Variants in DENND6B observed in about 807,000 individuals in gnomAD.
DENND6B encodes the protein DENN domain containing 6B, also known as protein DENND6B.
Under a neutral mutation model 85.1 loss-of-function variants are expected in DENND6B, and 73 were observed. The observed-to-expected ratio is 0.86, with a 90% confidence interval of 0.71 to 1.04. DENND6B has a LOEUF of 1.04. Among genes scored for constraint, DENND6B ranks in the 50% least tolerant of loss-of-function variants. DENND6B has a pLI of 0.00. For synonymous variants in DENND6B, 357 were observed against 329.3 expected, an observed-to-expected ratio of 1.08 and a Z score of -0.91; for missense variants, 715 against 785.8, an observed-to-expected ratio of 0.91 and a Z score of 1.08.
intron 16 of DENND6B, 107 bp from the exon 17 acceptor site, chr22:50,313,215 C>T (rs995726457): frequency 1.3e-5 from 16 of 1,230,210 alleles, no homozygotes; most frequent in Non-Finnish European, 1.6e-5. Context: ...CCCCAGCCCC[C>T]ACCCTGCCTG....
intron 5 of DENND6B, 197 bp downstream of exon 5, chr22:50,317,096 G>A: frequency 2.5e-6 from 1 of 401,288 alleles, no homozygotes; most frequent in East Asian, 5.2e-5. Context: ...AGGGTGGGGG[G>A]GTGGCGAGGA....
intron 1 of DENND6B, among the ~76,000 whole-genome samples, chr22:50,321,987 C>T (rs1440540079): frequency 2.0e-5 from 3 of 151,950 alleles, no homozygotes; most frequent in East Asian, 1.9e-4. Context: ...TGTGCTACCA[C>T]GCCCAGCTAA....
chr22:50,317,276 G>C lies in DENND6B; in HGVS notation c.453+17C>G, dbSNP rs1433367635. Reference sequence around the variant, plus strand: ...GCCGCTCTTGAGGTGCCAGCCCAGAGTGGCCAAGCAGCGCACCTTCTGGAA... The same window carrying C: ...GCCGCTCTTGAGGTGCCAGCCCAGACTGGCCAAGCAGCGCACCTTCTGGAA... On this transcript the variant is annotated intron_variant, in intron 5 of 19. Transcript: ENST00000413817. 4 of 1,612,138 alleles carry C rather than the reference G, an allele frequency of 2.5e-6. No homozygotes were observed. The highest frequency in any genetic ancestry group is 1.3e-5 in the African/African-American group (1 of 74,996).
chr22:50,313,184 C>A (rs2068108934), intron 16 of DENND6B, 76 bp from the exon 17 acceptor site: 2 of 1,378,098 alleles, frequency 1.5e-6, no homozygotes, highest in Non-Finnish European at 2.0e-6. Flanking sequence ...CCCAGACACA[C>A]TCCTCACCAC....
chr22:50,323,328 C>T (rs2042108230), intron 1 of DENND6B, among the ~76,000 whole-genome samples: 1 of 143,562 alleles, frequency 7.0e-6, no homozygotes, highest in African/African-American at 2.6e-5. Flanking sequence ...CCAGCTCTGT[C>T]ACCCAGGCTG....
chr22:50,313,962 G>A (rs2041689995), intron 13 of DENND6B, 84 bp from the exon 14 acceptor site: 5 of 1,470,300 alleles, frequency 3.4e-6, no homozygotes, highest in Middle Eastern at 2.4e-4. Context: ...GCCAGGGTGG[G>A]GGTCTCATCT....
rs778291480 is a variant in DENND6B at position 50,313,705 on chromosome 22, G to A, written c.1223C>T (p.Pro408Leu). ...CAGCAGGGCGCTCTGCACATCTGACGGCCGCTTCTTCTGCACGCCCTGCAG... is the reference window on the plus strand; with the variant it reads ...CAGCAGGGCGCTCTGCACATCTGACAGCCGCTTCTTCTGCACGCCCTGCAG... ...RLLKGVQKKR[P>L]SDVQSALLRR... The change falls in exon 15 of 20, where the codon CCG becomes CTG. Residue 408 changes from proline to leucine, a missense_variant. Transcript: ENST00000413817. The A allele has an allele frequency of 5.3e-5, 85 of 1,601,454 alleles. No individual in the cohort carries two copies. Among genetic ancestry groups the A allele is most frequent in the Non-Finnish European group, 6.8e-5 (80 of 1,175,786 alleles).
intron 1 of DENND6B, 35 bp downstream of exon 1, chr22:50,326,777 C>A: frequency 7.5e-7 from 1 of 1,336,738 alleles, no homozygotes; most frequent in South Asian, 1.8e-5. Flanking sequence ...CGCAGCCCTG[C>A]CCACCCGCCC....
At chr22:50,320,421 C>T (rs943947926) in intron 1 of DENND6B, among the ~76,000 whole-genome samples, 1 of 152,232 alleles carries the variant, frequency 6.6e-6, no homozygotes, top group African/African-American at 2.4e-5. Context: ...TTGCTCTGGG[C>T]TTGCTACCAT....
At chr22:50,320,116 G>C (rs1182024695) in intron 1 of DENND6B, among the ~76,000 whole-genome samples, 1 of 152,210 alleles carries the variant, frequency 6.6e-6, no homozygotes, top group East Asian at 1.9e-4. Context: ...CATCCCATCT[G>C]CCCAGCTTCT....
rs188315175 is a variant in DENND6B, at chr22:50,317,123, G to A, written c.453+170C>T. 183 of 526,260 alleles carry A rather than the reference G, an allele frequency of 3.5e-4. 1 individual carries two copies. The highest frequency in any genetic ancestry group is 2.4e-3 in the African/African-American group (80 of 32,780). The allele number at this position is 526,260 out of a possible 1,614,324, so 32.6% of individuals were successfully genotyped here. A position where few individuals can be genotyped will look rare whatever the true frequency, so the allele number is the denominator to read the frequency against. On this transcript the variant is annotated intron_variant, in intron 5 of 19. Coordinates refer to ENST00000413817, the MANE Select transcript of DENND6B (RefSeq NM_001001794.4). ...TGGCGAGGACAGGGTGGGGGGCGGC[G>A]AGGACAGGGTGGGGGGGCGGCAAGG... is the stretch of plus-strand genomic sequence containing the variant.
At chr22:50,326,691 G>T in intron 1 of DENND6B, 121 bp downstream of exon 1, 1 of 899,082 alleles carries the variant, frequency 1.1e-6, no homozygotes, top group Non-Finnish European at 1.5e-6. Context: ...GGCCCCTCCA[G>T]GAGGCGGCGG....
At chr22:50,322,882 G>A (rs2042090183) in intron 1 of DENND6B, among the ~76,000 whole-genome samples, 1 of 148,578 alleles carries the variant, frequency 6.7e-6, no homozygotes. Context: ...ACAGAGTCTT[G>A]CCCTGTTGCT....
chr22:50,314,373 C>A (rs766685799), intron 12 of DENND6B, 27 bp downstream of exon 12: 50 of 1,565,690 alleles, frequency 3.2e-5, no homozygotes, highest in Admixed American at 3.8e-5. Context: ...CTGAGCAGCA[C>A]CCCCTGCACC....
intron 1 of DENND6B, 70 bp downstream of exon 1, chr22:50,326,742 G>T: frequency 7.9e-7 from 1 of 1,263,410 alleles, no homozygotes; most frequent in Non-Finnish European, 1.0e-6. Flanking sequence ...AGGGCCCCAA[G>T]CGAGGCGGGA....
intron 5 of DENND6B, 25 bp downstream of exon 5, chr22:50,317,268 A>C (rs2041881716): frequency 6.2e-7 from 1 of 1,611,312 alleles, no homozygotes; most frequent in African/African-American, 1.3e-5. Context: ...TTGAGGTGCC[A>C]GCCCAGAGTG....
chr22:50,323,720 CCTT>C (rs1569210005), intron 1 of DENND6B, among the ~76,000 whole-genome samples: 1 of 72,470 alleles, frequency 1.4e-5, no homozygotes, highest in Non-Finnish European at 2.5e-5. Context: ...GCACGCCTAG[CCTT>C]TTTTTTTTTT....
chr22:50,326,896 C>T lies in DENND6B; in HGVS notation c.93G>A (p.Pro31=), dbSNP rs955155002. The T allele has an allele frequency of 3.6e-6, 5 of 1,401,636 alleles. No individual in the cohort carries two copies. The Admixed American group carries it at 8.7e-5, about 25-fold the overall frequency. 86.8% of individuals were successfully genotyped at this position (1,401,636 alleles called of 1,614,324 possible). ...PTSSGRAART[P]AAPWARFSAW... ...CGGAGAAGCGCGCCCAGGGCGCCGC[C>T]GGGGTCCGCGCCGCGCGACCTGAAG... Residue 31 remains proline, a synonymous_variant, in exon 1 of 20, where the codon CCG becomes CCA. Transcript: ENST00000413817.
Position 50,311,867 on chromosome 22 carries a change from C to A in DENND6B, c.*272G>T. On this transcript the variant is annotated 3_prime_UTR_variant, in exon 20 of 20. Transcript: ENST00000413817. ...ATCAGCAAGGGCTCCCAGCCTGTCC[C>A]CGCCCCCGTCCCAGCCTAAGGTCTG... 1.9e-6 allele frequency: 1 copy of A among 514,970 alleles called. No individual in the cohort carries two copies. Among genetic ancestry groups the A allele is most frequent in the Non-Finnish European group, 3.4e-6 (1 of 293,598 alleles). The allele number at this position is 514,970 out of a possible 1,614,324, so 31.9% of individuals were successfully genotyped here.
Sources: gnomAD v4.1 joint callset for allele counts (sites outside exome capture counted in the v4.1 genomes callset) on GRCh38, gnomAD v4.1.1 for gene constraint, MANE v1.5 for transcripts, NCBI Gene and HGNC (gene_info 2026-07-23, HGNC 2026-07-21) for gene names.